Variants in UNC5C observed in about 807,000 individuals in gnomAD.
The protein encoded by UNC5C is netrin receptor UNC5C.
A neutral mutation model predicts 99.8 loss-of-function variants in UNC5C; 47 were observed. The ratio of observed to expected loss-of-function variants is 0.47; its 90% CI spans 0.37 to 0.60. The LOEUF is 0.60. UNC5C is among the 20% of genes least tolerant of loss of function. UNC5C has a pLI of 0.00. For missense variants in UNC5C, 1,062 were observed against 1,165.9 expected (o/e 0.91, Z 1.30); for synonymous variants, 487 against 452.2 (o/e 1.08, Z -0.98).
chr4:95,386,894 TTATAA>T (rs752025416), intron 1 of UNC5C, among the ~76,000 whole-genome samples: 11 of 152,142 alleles, frequency 7.2e-5, no homozygotes, highest in Non-Finnish European at 1.3e-4. Context: ...TTCATATGGG[TTATAA>T]TATAAGATTA....
chr4:95,438,192 A>G (rs17023865), intron 1 of UNC5C, among the ~76,000 whole-genome samples: 26,101 of 152,060 alleles, frequency 0.17, 2,675 homozygotes, highest in Admixed American at 0.31. Context: ...TAGTTTTAAT[A>G]AGATATTTCT....
At position 95,332,831 on chromosome 4, in the gene UNC5C, G is replaced by C. The variant is rs867851473; in HGVS notation, c.346+2579C>G. Among the ~76,000 whole-genome samples, 53 of 151,898 alleles carry C rather than the reference G, an allele frequency of 3.5e-4. No individual in the cohort carries two copies. The Middle Eastern group carries it at 0.01, about 29-fold the overall frequency. On this transcript the variant is annotated intron_variant, in intron 2 of 15. Coordinates refer to ENST00000453304, the MANE Select transcript of UNC5C (RefSeq NM_003728.4). ...TTTCACAACCTACTCATCTGACAAA[G>C]GGCTAATATCCAGAATCTCAATGAA...
intron 10 of UNC5C, among the ~76,000 whole-genome samples, chr4:95,210,815 T>A (rs1306253781): frequency 6.6e-6 from 1 of 152,222 alleles, no homozygotes; most frequent in East Asian, 1.9e-4. Flanking sequence ...ATCCTTTGCT[T>A]GTCATTATCA....
chr4:95,278,687 C>A (rs530083711), intron 3 of UNC5C, among the ~76,000 whole-genome samples: 2 of 151,952 alleles, frequency 1.3e-5, no homozygotes, highest in South Asian at 4.1e-4. Flanking sequence ...ACTATGTTTC[C>A]CAGGCTGGTC....
At position 95,165,721 on chromosome 4, in the gene UNC5C, A is replaced by T. The variant is rs531269174; in HGVS notation, c.*3513T>A. 1 of 152,324 alleles carries T rather than the reference A, an allele frequency of 6.6e-6. No individual in the cohort carries two copies. 9.4% of individuals were successfully genotyped at this position (152,324 alleles called of 1,614,324 possible). ...TATTCCATTCGCATATATAAGACTT[A>T]TTTCTTTCTAAGCAGATACTTCTTA... On this transcript the variant is annotated 3_prime_UTR_variant, in exon 16 of 16. Coordinates refer to ENST00000453304, the MANE Select transcript of UNC5C (RefSeq NM_003728.4).
chr4:95,164,697 A>C lies in UNC5C; in HGVS notation c.*4537T>G, dbSNP rs1262440949. The C allele has an allele frequency of 6.6e-6, 1 of 152,248 alleles. No homozygotes were observed. The highest frequency in any genetic ancestry group is 1.9e-4 in the East Asian group (1 of 5,194). 9.4% of individuals were successfully genotyped at this position (152,248 alleles called of 1,614,324 possible). ...TTCACAAAAGCTCTTCCATTCTCAA[A>C]GAAGATGGATAAAGTCCCATTTCAT... On this transcript the variant is annotated 3_prime_UTR_variant, in exon 16 of 16. Coordinates refer to ENST00000453304, the MANE Select transcript of UNC5C (RefSeq NM_003728.4).
chr4:95,435,328 G>A (rs1463261786), intron 1 of UNC5C, among the ~76,000 whole-genome samples: 2 of 152,026 alleles, frequency 1.3e-5, no homozygotes, highest in Non-Finnish European at 2.9e-5. Context: ...GTTTATGTTA[G>A]TGACATTATT....
At chr4:95,223,109 A>G (rs1265918469) in intron 7 of UNC5C, among the ~76,000 whole-genome samples, 1 of 152,176 alleles carries the variant, frequency 6.6e-6, no homozygotes, top group Non-Finnish European at 1.5e-5. Flanking sequence ...TGCAATATGG[A>G]TAATGATAAT....
At position 95,479,670 on chromosome 4, in the gene UNC5C, C is replaced by G. The variant is rs866445807; in HGVS notation, c.124+69064G>C. The stretch of plus-strand genomic sequence containing the variant: ...AGGAATAGCTTAGTTTATAAGATAC[C>G]CAAGATAGTGAACATATATTTTTTA... On this transcript the variant is annotated intron_variant, in intron 1 of 15. Coordinates refer to ENST00000453304, the MANE Select transcript of UNC5C (RefSeq NM_003728.4). Among the ~76,000 whole-genome samples, 8 of 151,662 alleles carry G rather than the reference C, an allele frequency of 5.3e-5. No homozygotes were observed. The South Asian group carries it at 6.3e-4, about 12-fold the overall frequency.
chr4:95,341,461 GAGAA>G (rs1336073428), intron 1 of UNC5C, among the ~76,000 whole-genome samples: 5 of 136,314 alleles, frequency 3.7e-5, no homozygotes, highest in African/African-American at 5.3e-5. Context: ...ATAAGAAAGA[GAGAA>G]AGAAAGAAGA....
chr4:95,309,357 T>C (rs975322741), intron 2 of UNC5C, among the ~76,000 whole-genome samples: 4 of 152,002 alleles, frequency 2.6e-5, no homozygotes, highest in Non-Finnish European at 4.4e-5. Flanking sequence ...GAAAAGCTCC[T>C]TGACATTAGT....
At chr4:95,274,531 A>C (rs1485146735) in intron 4 of UNC5C, among the ~76,000 whole-genome samples, 6 of 152,046 alleles carry the variant, frequency 3.9e-5, no homozygotes, top group Non-Finnish European at 8.8e-5. Context: ...TCTTATTGGA[A>C]AGGGCTTAAA....
At position 95,392,051 on chromosome 4, in the gene UNC5C, C is replaced by A. The variant is rs1291544061; in HGVS notation, c.125-56420G>T. Among the ~76,000 whole-genome samples the A allele has an allele frequency of 1.4e-4, 21 of 151,992 alleles. 1 individual carries two copies. The highest frequency in any genetic ancestry group is 2.9e-4 in the Non-Finnish European group (20 of 68,002). On this transcript the variant is annotated intron_variant, in intron 1 of 15. Transcript: ENST00000453304. Reference sequence around the variant, plus strand: ...CAGCCTGGGTGACAGAGTGAGACTCCATCTCAAAATAAAAAAGAGGTAATC... The same window carrying A: ...CAGCCTGGGTGACAGAGTGAGACTCAATCTCAAAATAAAAAAGAGGTAATC...
intron 1 of UNC5C, among the ~76,000 whole-genome samples, chr4:95,389,136 C>T (rs927849681): frequency 3.9e-5 from 6 of 152,008 alleles, no homozygotes; most frequent in African/African-American, 1.5e-4. Flanking sequence ...TCAAGTGAAA[C>T]AAAGCAGGTT....
chr4:95,484,755 C>T (rs1395846390), intron 1 of UNC5C, among the ~76,000 whole-genome samples: 1 of 151,766 alleles, frequency 6.6e-6, no homozygotes, highest in Admixed American at 6.6e-5. Flanking sequence ...TAAAGCCTAG[C>T]CTGTTCCGAA....
intron 1 of UNC5C, among the ~76,000 whole-genome samples, chr4:95,372,838 A>G (rs151108257): frequency 4.4e-4 from 67 of 152,308 alleles, no homozygotes; most frequent in African/African-American, 1.5e-3. Context: ...ATGCACAAAT[A>G]TAACAAAAGA....
intron 3 of UNC5C, among the ~76,000 whole-genome samples, chr4:95,282,907 T>A (rs985807353): frequency 6.6e-6 from 1 of 152,156 alleles, no homozygotes; most frequent in Non-Finnish European, 1.5e-5. Flanking sequence ...GGGGTTTCTA[T>A]GACTCGCCTC....
chr4:95,252,173 C>T (rs772329343), intron 4 of UNC5C, among the ~76,000 whole-genome samples: 4 of 152,128 alleles, frequency 2.6e-5, no homozygotes, highest in South Asian at 2.1e-4. Flanking sequence ...TGTGGAAATA[C>T]GATCCTGCTG....
intron 4 of UNC5C, among the ~76,000 whole-genome samples, chr4:95,274,082 T>G (rs2149392333): frequency 6.6e-6 from 1 of 152,322 alleles, no homozygotes; most frequent in East Asian, 1.9e-4. Flanking sequence ...AACTTTTTGC[T>G]TCTTATTTCA....
Sources: gnomAD v4.1 joint callset for allele counts (sites outside exome capture counted in the v4.1 genomes callset) on GRCh38, gnomAD v4.1.1 for gene constraint, MANE v1.5 for transcripts, NCBI Gene and HGNC (gene_info 2026-07-23, HGNC 2026-07-21) for gene names.